Variants in SAMD5 observed in about 807,000 individuals in gnomAD.
SAMD5 encodes sterile alpha motif domain containing 5, also known as sterile alpha motif domain-containing protein 5.
Under a neutral mutation model 11.3 loss-of-function variants are expected in SAMD5, and 13 were observed. The observed-to-expected ratio is 1.15, with a 90% CI of 0.75 to 1.83. SAMD5 has a LOEUF of 1.83. Ranked by LOEUF, SAMD5 falls within the 40% of genes most tolerant of loss-of-function variation. The probability of loss-of-function intolerance (pLI) is 0.00; values close to 1 mark genes in which losing one functional copy is unlikely to be tolerated. For missense variants in SAMD5, 255 were observed against 239.1 expected (o/e 1.07, Z -0.44); for synonymous variants, 129 against 111.3 (o/e 1.16, Z -1.00).
chr6:147,705,671 C>T lies in SAMD5; in HGVS notation c.163-31646C>T, dbSNP rs184835840. ...ATCAATCAAAATGCAAAAGTAACAG[C>T]AAAATTCACCATAACAACTGAGAAT... On this transcript the variant is annotated intron_variant, in intron 1 of 1. Transcript: ENST00000566741. 3.7e-4 allele frequency among the ~76,000 whole-genome samples: 57 copies of T among 152,188 alleles called. No homozygotes were observed. In the East Asian group the frequency reaches 8.9e-3, roughly 24 times the overall value.
At chr6:147,514,395 A>T (rs1788133640) in intron 1 of SAMD5, among the ~76,000 whole-genome samples, 1 of 151,402 alleles carries the variant, frequency 6.6e-6, no homozygotes, top group Admixed American at 6.6e-5. Flanking sequence ...TAATATAGAA[A>T]TGTTAGATGT....
At chr6:147,553,885 T>C (rs540584790) in intron 1 of SAMD5, among the ~76,000 whole-genome samples, 1 of 152,168 alleles carries the variant, frequency 6.6e-6, no homozygotes, top group Admixed American at 6.5e-5. Context: ...CCTGCCAAAA[T>C]TGGAGACGAG....
chr6:147,561,181 T>C (rs549141809), intron 1 of SAMD5, among the ~76,000 whole-genome samples: 1 of 152,118 alleles, frequency 6.6e-6, no homozygotes, highest in Non-Finnish European at 1.5e-5. Flanking sequence ...AGGTTGGCTT[T>C]TATGAATTTA....
At chr6:147,685,598 A>T (rs900326963) in intron 1 of SAMD5, among the ~76,000 whole-genome samples, 10 of 152,122 alleles carry the variant, frequency 6.6e-5, no homozygotes, top group Non-Finnish European at 2.9e-5. Context: ...CTGGCTGCAT[A>T]TCTGGAGTCT....
intron 1 of SAMD5, among the ~76,000 whole-genome samples, chr6:147,697,992 A>C (rs1791200132): frequency 6.6e-6 from 1 of 152,116 alleles, no homozygotes; most frequent in Admixed American, 6.5e-5. Context: ...TCAGGATGAA[A>C]CTGTTCCATC....
chr6:147,521,282 CT>C (rs1213326158), intron 1 of SAMD5, among the ~76,000 whole-genome samples: 2 of 152,046 alleles, frequency 1.3e-5, no homozygotes, highest in Non-Finnish European at 2.9e-5. Context: ...GTACTTGCTT[CT>C]TTTTTCTACT....
chr6:147,767,264 G>A, the SAMD5 span, among the ~76,000 whole-genome samples: 1 of 149,800 alleles, frequency 6.7e-6, no homozygotes, highest in South Asian at 2.1e-4. Context: ...CACCTGTGGA[G>A]GAAGAAGGAA....
chr6:147,635,712 G>A (rs1160373031), intron 1 of SAMD5, among the ~76,000 whole-genome samples: 1 of 152,156 alleles, frequency 6.6e-6, no homozygotes, highest in Non-Finnish European at 1.5e-5. Flanking sequence ...GCAACCTTTG[G>A]CATGCCTTTC....
chr6:147,624,842 AAC>A (rs1790027541), intron 1 of SAMD5, among the ~76,000 whole-genome samples: 1 of 151,748 alleles, frequency 6.6e-6, no homozygotes. Context: ...CATGTGACCA[AAC>A]ACTACCTGTT....
chr6:147,630,522 A>T (rs1458770733), intron 1 of SAMD5, among the ~76,000 whole-genome samples: 1 of 152,068 alleles, frequency 6.6e-6, no homozygotes, highest in Non-Finnish European at 1.5e-5. Context: ...ATCCTGACTC[A>T]AAAGCTCCCC....
At chr6:147,861,070 T>G in the SAMD5 span, among the ~76,000 whole-genome samples, 6 of 152,190 alleles carry the variant, frequency 3.9e-5, no homozygotes, top group African/African-American at 1.4e-4. Flanking sequence ...GCTGACAGGA[T>G]GAATCACATC....
In SAMD5 at chr6:147,566,644, CTG is replaced by C. The variant is rs1436252235; in HGVS notation, c.*2192_*2193del. ...ATTTTGCCAGGTTTAAACCTTCTCT[CTG>C]TGTCTGTGGTTAGAATTTGAAAATA... On this transcript the variant is annotated 3_prime_UTR_variant, in exon 2 of 2. Transcript: ENST00000367474. 3.0e-5 allele frequency: 29 copies of C among 980,626 alleles called. No homozygotes were observed. The highest frequency in any genetic ancestry group is 6.2e-5 in the Admixed American group (1 of 16,258). 60.7% of individuals were successfully genotyped at this position (980,626 alleles called of 1,614,324 possible).
chr6:147,950,647 A>T, the SAMD5 span, among the ~76,000 whole-genome samples: 1 of 152,152 alleles, frequency 6.6e-6, no homozygotes. Flanking sequence ...AACCTGGGCC[A>T]TCTCCCCAAA....
intron 1 of SAMD5, among the ~76,000 whole-genome samples, chr6:147,695,702 G>A (rs1040446644): frequency 1.3e-5 from 2 of 152,140 alleles, no homozygotes; most frequent in Non-Finnish European, 2.9e-5. Flanking sequence ...ATAAGACAGG[G>A]TCCTGAACCC....
intron 1 of SAMD5, among the ~76,000 whole-genome samples, chr6:147,612,171 T>C (rs1485058823): frequency 6.6e-6 from 1 of 152,170 alleles, no homozygotes; most frequent in East Asian, 1.9e-4. Context: ...CCCTTAACTC[T>C]AACCCATCTC....
chr6:147,638,147 A>G (rs1290117567), intron 1 of SAMD5, among the ~76,000 whole-genome samples: 1 of 152,112 alleles, frequency 6.6e-6, no homozygotes, highest in Non-Finnish European at 1.5e-5. Context: ...AAAATTTGGG[A>G]AAAATATAGC....
intron 1 of SAMD5, among the ~76,000 whole-genome samples, chr6:147,530,558 T>G (rs1368725300): frequency 6.6e-6 from 1 of 152,242 alleles, no homozygotes; most frequent in Non-Finnish European, 1.5e-5. Flanking sequence ...CCCAAGTACC[T>G]GCCTCCTGAG....
chr6:147,552,572 T>C (rs770967931), intron 1 of SAMD5, among the ~76,000 whole-genome samples: 3 of 152,210 alleles, frequency 2.0e-5, no homozygotes, highest in African/African-American at 4.8e-5. Flanking sequence ...TAGTGTTTTA[T>C]ATAAACACAT....
At chr6:147,614,469 C>CA (rs55991810) in intron 1 of SAMD5, among the ~76,000 whole-genome samples, 24,794 of 137,834 alleles carry the variant, frequency 0.18, 4,311 homozygotes, top group African/African-American at 0.46. Flanking sequence ...ACTCTGTCTC[C>CA]AAAAAAAAAA....
Sources: allele counts gnomAD v4.1 joint callset (sites outside exome capture counted in the v4.1 genomes callset), GRCh38; gene constraint gnomAD v4.1.1; transcripts MANE v1.5; gene names NCBI Gene and HGNC (gene_info 2026-07-23, HGNC 2026-07-21).